EDIL3: variants seen among roughly 807,000 people sequenced by gnomAD.
EDIL3 encodes the protein EGF-like repeat and discoidin I-like domain-containing protein 3.
A neutral mutation model predicts 67.4 loss-of-function variants in EDIL3; 37 were observed. The ratio of observed to expected loss-of-function variants is 0.55; its 90% CI spans 0.42 to 0.72. The LOEUF (loss-of-function observed/expected upper bound fraction) is 0.72, where lower values mean the gene tolerates loss of function less well. EDIL3 is among the 30% of genes least tolerant of loss of function. The probability of loss-of-function intolerance (pLI) is 0.00; values close to 1 mark genes in which losing one functional copy is unlikely to be tolerated. For missense variants in EDIL3, 527 were observed against 586.3 expected (o/e 0.90, Z 1.04); for synonymous variants, 195 against 196.3 (o/e 0.99, Z 0.05).
chr5:84,020,229 C>G (rs915074928), intron 9 of EDIL3, among the ~76,000 whole-genome samples: 3 of 151,956 alleles, frequency 2.0e-5, no homozygotes, highest in Admixed American at 6.6e-5. Context: ...TCATCTGAGT[C>G]TTAGAATTCA....
chr5:84,345,738 A>C (rs1422504722), intron 1 of EDIL3, among the ~76,000 whole-genome samples: 3 of 152,236 alleles, frequency 2.0e-5, no homozygotes, highest in Non-Finnish European at 4.4e-5. Flanking sequence ...TTTTTTTAAA[A>C]GGTCTAGAAA....
At chr5:84,013,725 G>A (rs1303817776) in intron 9 of EDIL3, among the ~76,000 whole-genome samples, 1 of 152,154 alleles carries the variant, frequency 6.6e-6, no homozygotes, top group Non-Finnish European at 1.5e-5. Flanking sequence ...TAAAGAACAT[G>A]TCGAGCTCAC....
At chr5:84,218,286 T>TTAGGAATG (rs1744272212) in intron 3 of EDIL3, among the ~76,000 whole-genome samples, 2 of 152,228 alleles carry the variant, frequency 1.3e-5, no homozygotes, top group Non-Finnish European at 2.9e-5. Context: ...TTTAATACTC[T>TTAGGAATG]TAGGAATGTT....
intron 3 of EDIL3, among the ~76,000 whole-genome samples, chr5:84,182,891 C>T (rs768938905): frequency 6.6e-5 from 10 of 152,032 alleles, no homozygotes; most frequent in African/African-American, 9.6e-5. Context: ...AAGCACATAT[C>T]AATTAAATTA....
At chr5:84,182,272 C>G (rs977411107) in intron 3 of EDIL3, among the ~76,000 whole-genome samples, 1 of 30,880 alleles carries the variant, frequency 3.2e-5, no homozygotes, top group African/African-American at 6.5e-5. Flanking sequence ...ACAAAAAATA[C>G]ACACACACAC....
At position 84,205,971 on chromosome 5, in the gene EDIL3, C is replaced by T. The variant is rs1361324352; in HGVS notation, c.226+23884G>A. On this transcript the variant is annotated intron_variant, in intron 3 of 10. Transcript: ENST00000296591. ...TTCTGCTAGCTTTTGAATGTGTTTG[C>T]TCTTGCTTTTCTAGCTCTTGTAATT... 3.3e-5 allele frequency among the ~76,000 whole-genome samples: 5 copies of T among 151,870 alleles called. No individual in the cohort carries two copies. In the South Asian group the frequency reaches 6.2e-4, roughly 19 times the overall value.
chr5:83,951,602 C>T (rs534623864), intron 10 of EDIL3, among the ~76,000 whole-genome samples: 22 of 151,692 alleles, frequency 1.5e-4, no homozygotes, highest in African/African-American at 2.9e-4. Context: ...TCCACATTTC[C>T]GGCCCTTCAT....
At chr5:84,028,225 C>T (rs763315316) in intron 9 of EDIL3, among the ~76,000 whole-genome samples, 1 of 152,052 alleles carries the variant, frequency 6.6e-6, no homozygotes, top group Non-Finnish European at 1.5e-5. Context: ...TATTATTTCC[C>T]GTCTGCCTTT....
At chr5:84,217,871 C>T (rs915673873) in intron 3 of EDIL3, among the ~76,000 whole-genome samples, 3 of 151,662 alleles carry the variant, frequency 2.0e-5, no homozygotes, top group South Asian at 2.1e-4. Context: ...CTTTAATAAC[C>T]GTATTTTTAT....
At chr5:84,014,630 C>T (rs1745569148) in intron 9 of EDIL3, among the ~76,000 whole-genome samples, 2 of 152,032 alleles carry the variant, frequency 1.3e-5, no homozygotes, top group South Asian at 4.2e-4. Flanking sequence ...GGAGACAGAG[C>T]GAGACTCCGT....
chr5:83,947,688 T>C (rs996761300), intron 10 of EDIL3, among the ~76,000 whole-genome samples: 19 of 151,992 alleles, frequency 1.3e-4, no homozygotes, highest in African/African-American at 4.1e-4. Flanking sequence ...AGGACAGGTA[T>C]GTATTTAGAC....
chr5:84,099,206 C>T (rs1747317587), intron 6 of EDIL3, among the ~76,000 whole-genome samples: 1 of 152,134 alleles, frequency 6.6e-6, no homozygotes, highest in African/African-American at 2.4e-5. Context: ...ATGCTATCCC[C>T]ATCAAGCTAC....
chr5:84,256,474 T>C (rs1358555341), intron 1 of EDIL3, among the ~76,000 whole-genome samples: 1 of 152,178 alleles, frequency 6.6e-6, no homozygotes. Flanking sequence ...GTATGCTTAA[T>C]ATTCCAGGCA....
chr5:84,050,149 G>C (rs996562515), intron 9 of EDIL3, among the ~76,000 whole-genome samples: 1 of 131,766 alleles, frequency 7.6e-6, no homozygotes, highest in African/African-American at 2.8e-5. Context: ...AGTGAGTCGA[G>C]ATGGCGCCAC....
At chr5:84,032,751 T>C (rs1745952283) in intron 9 of EDIL3, among the ~76,000 whole-genome samples, 1 of 152,226 alleles carries the variant, frequency 6.6e-6, no homozygotes, top group South Asian at 2.1e-4. Flanking sequence ...AATGGGACTT[T>C]TTAAAGTATG....
intron 1 of EDIL3, among the ~76,000 whole-genome samples, chr5:84,312,847 T>A (rs1401045585): frequency 6.6e-6 from 1 of 152,228 alleles, no homozygotes; most frequent in Non-Finnish European, 1.5e-5. Flanking sequence ...TCTTTCCTCA[T>A]CAAATAAATG....
chr5:84,368,086 G>C (rs988889669), intron 1 of EDIL3, among the ~76,000 whole-genome samples: 1 of 152,116 alleles, frequency 6.6e-6, no homozygotes, highest in Non-Finnish European at 1.5e-5. Flanking sequence ...TGAAACTCTG[G>C]AATCTATTGA....
At chr5:84,377,585 C>A (rs374556608) in intron 1 of EDIL3, among the ~76,000 whole-genome samples, 14 of 152,152 alleles carry the variant, frequency 9.2e-5, no homozygotes, top group East Asian at 3.9e-4. Context: ...GATTATTTTG[C>A]ATTCCCAAAA....
chr5:84,081,024 T>G (rs1746958920), intron 6 of EDIL3, among the ~76,000 whole-genome samples: 1 of 152,184 alleles, frequency 6.6e-6, no homozygotes, highest in Non-Finnish European at 1.5e-5. Context: ...CATAAAACTA[T>G]AATCTCTTTA....
Sources: allele counts gnomAD v4.1 joint callset (sites outside exome capture counted in the v4.1 genomes callset), GRCh38; gene constraint gnomAD v4.1.1; transcripts MANE v1.5; gene names NCBI Gene and HGNC (gene_info 2026-07-23, HGNC 2026-07-21).